FOXJ3: variants seen among roughly 807,000 people sequenced by gnomAD.
FOXJ3 encodes forkhead box J3.
In FOXJ3, 22 loss-of-function variants were observed where a neutral mutation model predicts 76.1. The ratio of observed to expected loss-of-function variants is 0.29; its 90% CI spans 0.21 to 0.41. The LOEUF is 0.41. Ranked by LOEUF, FOXJ3 falls within the 10% of genes least tolerant of loss-of-function variation. The pLI is 1.00. For missense variants in FOXJ3, 613 were observed against 762.1 expected (o/e 0.80, Z 2.30); for synonymous variants, 269 against 261.2 (o/e 1.03, Z -0.29).
At chr1:42,213,888 T>C (rs1647015957) in intron 5 of FOXJ3, among the ~76,000 whole-genome samples, 2 of 152,316 alleles carry the variant, frequency 1.3e-5, no homozygotes, top group East Asian at 1.9e-4. Context: ...TAATAATATA[T>C]TGTATATTTC....
Position 42,328,361 on chromosome 1 carries a change from C to G in FOXJ3, c.-18+6698G>C, listed in dbSNP as rs183568497. The stretch of plus-strand genomic sequence containing the variant: ...CAAATTATTAGCGTTCAATTCAGAA[C>G]AGAGTTCTCTAAGTCTGTGTTCTAA... On this transcript the variant is annotated intron_variant, in intron 1 of 12. Transcript: ENST00000361346. Among the ~76,000 whole-genome samples the G allele has an allele frequency of 4.6e-5, 7 of 152,306 alleles. No individual in the cohort carries two copies. In the East Asian group the frequency reaches 1.3e-3, roughly 29 times the overall value.
intron 5 of FOXJ3, among the ~76,000 whole-genome samples, chr1:42,210,254 T>C (rs753647758): frequency 2.0e-5 from 3 of 152,180 alleles, no homozygotes; most frequent in Non-Finnish European, 4.4e-5. Flanking sequence ...TGCACCCACA[T>C]GTGAAAAGCC....
At chr1:42,216,375 G>A (rs928111625) in intron 5 of FOXJ3, among the ~76,000 whole-genome samples, 6 of 151,758 alleles carry the variant, frequency 4.0e-5, no homozygotes, top group South Asian at 2.1e-4. Flanking sequence ...AAAATTAGCC[G>A]GGCGTGGTAG....
intron 4 of FOXJ3, among the ~76,000 whole-genome samples, chr1:42,246,258 CA>C (rs1649542475): frequency 6.6e-6 from 1 of 152,096 alleles, no homozygotes; most frequent in Non-Finnish European, 1.5e-5. Context: ...GCAAACCATT[CA>C]TCTGACAAGA....
intron 2 of FOXJ3, among the ~76,000 whole-genome samples, chr1:42,308,109 A>G (rs1274563351): frequency 6.6e-6 from 1 of 152,198 alleles, no homozygotes; most frequent in African/African-American, 2.4e-5. Context: ...CTGTGCCTAC[A>G]AACTCCCACC....
intron 2 of FOXJ3, among the ~76,000 whole-genome samples, chr1:42,310,223 G>T (rs1243688361): frequency 6.8e-6 from 1 of 147,244 alleles, no homozygotes; most frequent in Admixed American, 6.9e-5. Flanking sequence ...TCGGCTTACT[G>T]CAACCTCCAC....
At chr1:42,185,025 A>G (rs974554681) in intron 11 of FOXJ3, among the ~76,000 whole-genome samples, 2 of 152,082 alleles carry the variant, frequency 1.3e-5, no homozygotes, top group Non-Finnish European at 1.5e-5. Context: ...AGGCCATAGT[A>G]ACAACATTGG....
At chr1:42,210,234 G>A (rs1646940655) in intron 5 of FOXJ3, among the ~76,000 whole-genome samples, 1 of 152,116 alleles carries the variant, frequency 6.6e-6, no homozygotes, top group Non-Finnish European at 1.5e-5. Flanking sequence ...CCCCCACTGG[G>A]GCCACTGCTT....
At chr1:42,299,979 G>A (rs996109917) in intron 2 of FOXJ3, among the ~76,000 whole-genome samples, 1 of 151,752 alleles carries the variant, frequency 6.6e-6, no homozygotes, top group African/African-American at 2.4e-5. Flanking sequence ...CAGGTGGGCG[G>A]ATCACGAGGT....
intron 5 of FOXJ3, among the ~76,000 whole-genome samples, chr1:42,221,143 G>T (rs1417369524): frequency 6.6e-6 from 1 of 152,110 alleles, no homozygotes; most frequent in African/African-American, 2.4e-5. Flanking sequence ...TTCAATCTAT[G>T]GCAAAATCAC....
chr1:42,176,900 A>T lies in FOXJ3; in HGVS notation c.*2810T>A, dbSNP rs941725382. On this transcript the variant is annotated 3_prime_UTR_variant, in exon 13 of 13. Coordinates refer to ENST00000361346, the MANE Select transcript of FOXJ3 (RefSeq NM_014947.5). Reference sequence around the variant, plus strand: ...CCCGGATTGATTCCCTCCCACTTCAAAGGACATCTGAGCGACACGTATTTA... The same window carrying T: ...CCCGGATTGATTCCCTCCCACTTCATAGGACATCTGAGCGACACGTATTTA... The T allele has an allele frequency of 1.3e-5, 2 of 152,646 alleles. No homozygotes were observed. Among genetic ancestry groups the T allele is most frequent in the Admixed American group, 6.5e-5 (1 of 15,278 alleles). 9.5% of individuals were successfully genotyped at this position (152,646 alleles called of 1,614,324 possible). A position where few individuals can be genotyped will look rare whatever the true frequency, so the allele number is the denominator to read the frequency against.
intron 6 of FOXJ3, among the ~76,000 whole-genome samples, chr1:42,200,537 G>C (rs1646743594): frequency 1.3e-5 from 2 of 152,098 alleles, no homozygotes; most frequent in South Asian, 4.1e-4. Context: ...GGAGTGCAAT[G>C]GTGCGATCTC....
chr1:42,238,348 C>A (rs1260757039), intron 4 of FOXJ3, among the ~76,000 whole-genome samples: 3 of 152,056 alleles, frequency 2.0e-5, no homozygotes, highest in Non-Finnish European at 4.4e-5. Flanking sequence ...ACCATTTTAT[C>A]TTAATTATTG....
intron 2 of FOXJ3, among the ~76,000 whole-genome samples, chr1:42,300,190 ACT>A (rs747949340): frequency 3.9e-4 from 59 of 151,996 alleles, no homozygotes; most frequent in Admixed American, 2.1e-3. Context: ...ATGGAGCAAG[ACT>A]CTGTCTCAAA....
chr1:42,301,796 C>T (rs1654164851), intron 2 of FOXJ3, among the ~76,000 whole-genome samples: 1 of 152,090 alleles, frequency 6.6e-6, no homozygotes, highest in South Asian at 2.1e-4. Flanking sequence ...AATTCTTTAT[C>T]TTGTATTTCA....
chr1:42,292,109 G>A lies in FOXJ3; in HGVS notation c.45-13437C>T, dbSNP rs72676408. Among the ~76,000 whole-genome samples, 1,013 of 152,154 alleles carry A rather than the reference G, an allele frequency of 6.7e-3. 8 individuals are homozygous for A. Among genetic ancestry groups the A allele is most frequent in the Middle Eastern group, 0.02 (6 of 294 alleles). Reference sequence around the variant, plus strand: ...AGGCCAGGGGACAGAACCCTAAAGAGGGGTTGCAAAGAAAAAGGATTCATA... The same window carrying A: ...AGGCCAGGGGACAGAACCCTAAAGAAGGGTTGCAAAGAAAAAGGATTCATA... On this transcript the variant is annotated intron_variant, in intron 2 of 12. Transcript: ENST00000361346.
chr1:42,327,147 AATAATATAAAACAC>A (rs1453138143), intron 1 of FOXJ3, among the ~76,000 whole-genome samples: 2 of 152,230 alleles, frequency 1.3e-5, no homozygotes, highest in African/African-American at 4.8e-5. Flanking sequence ...CATCCCCTAC[AATAATATAAAACAC>A]GACTTCCTCT....
chr1:42,281,833 C>T (rs184310556), intron 2 of FOXJ3, among the ~76,000 whole-genome samples: 1 of 152,158 alleles, frequency 6.6e-6, no homozygotes, highest in Non-Finnish European at 1.5e-5. Context: ...CCGAGGCAGG[C>T]GGATCACCTG....
intron 4 of FOXJ3, among the ~76,000 whole-genome samples, chr1:42,251,761 C>T (rs1381886697): frequency 7.7e-6 from 1 of 129,678 alleles, no homozygotes. Flanking sequence ...CTCTGTTGCC[C>T]AGGCTGGAGT....
Sources: gnomAD v4.1 joint callset for allele counts (sites outside exome capture counted in the v4.1 genomes callset) on GRCh38, gnomAD v4.1.1 for gene constraint, MANE v1.5 for transcripts, NCBI Gene and HGNC (gene_info 2026-07-23, HGNC 2026-07-21) for gene names.